SIMC1: variants seen among roughly 807,000 people sequenced by gnomAD.
SIMC1 encodes SUMO-interacting motif-containing protein 1.
Under a neutral mutation model 82.3 loss-of-function variants are expected in SIMC1, and 55 were observed. That is an observed-to-expected ratio of 0.67 (90% CI 0.54 to 0.84). The LOEUF (loss-of-function observed/expected upper bound fraction) is 0.84, where lower values mean the gene tolerates loss of function less well. SIMC1 is among the 40% of genes least tolerant of loss of function. The pLI, the probability that SIMC1 is intolerant of heterozygous loss-of-function variation, is 0.00. For synonymous variants in SIMC1, 353 were observed against 426.3 expected (o/e 0.83, Z 2.12); for missense variants, 915 against 1,107.2 (o/e 0.83, Z 2.46).
rs576081266 is a variant in SIMC1, at chr5:176,291,115, T to C, written c.1431+160T>C. On this transcript the variant is annotated intron_variant, in intron 2 of 9. Transcript: ENST00000429602. The stretch of plus-strand genomic sequence containing the variant: ...GACCCATTCAGTGTAGAGGCCCAGA[T>C]CTGGGTTCAAATTTTAGCCCCACGC... 4.0e-5 allele frequency among the ~76,000 whole-genome samples: 6 copies of C among 150,526 alleles called. No individual in the cohort carries two copies. In the East Asian group the frequency reaches 1.2e-3, roughly 29 times the overall value.
intron 4 of SIMC1, among the ~76,000 whole-genome samples, chr5:176,307,445 G>A (rs1764473313): frequency 6.6e-6 from 1 of 152,182 alleles, no homozygotes; most frequent in Non-Finnish European, 1.5e-5. Context: ...CTGTTGCCCA[G>A]GCTGGAGTGC....
At chr5:176,257,918 A>T (rs1761900208) in intron 1 of SIMC1, among the ~76,000 whole-genome samples, 1 of 152,184 alleles carries the variant, frequency 6.6e-6, no homozygotes, top group Admixed American at 6.5e-5. Context: ...AACTTGTGAC[A>T]ATAAAAAATG....
chr5:176,295,935 C>T (rs1267076093), intron 3 of SIMC1, among the ~76,000 whole-genome samples: 5 of 152,110 alleles, frequency 3.3e-5, no homozygotes, highest in Non-Finnish European at 5.9e-5. Context: ...TAGAACAGCA[C>T]GATTGGCTAA....
chr5:176,282,650 A>G (rs1021586698), intron 1 of SIMC1, among the ~76,000 whole-genome samples: 11 of 152,252 alleles, frequency 7.2e-5, no homozygotes, highest in African/African-American at 2.7e-4. Context: ...GCTCCTCGCC[A>G]GCAACAGAGC....
chr5:176,271,918 ATAT>A (rs1416507229), intron 1 of SIMC1, among the ~76,000 whole-genome samples: 5 of 39,302 alleles, frequency 1.3e-4, no homozygotes, highest in South Asian at 6.9e-4. Context: ...ATATAATTGT[ATAT>A]TATATTATAA....
chr5:176,317,176 A>G (rs967959442), intron 5 of SIMC1, among the ~76,000 whole-genome samples: 2 of 152,222 alleles, frequency 1.3e-5, no homozygotes, highest in African/African-American at 4.8e-5. Context: ...ATGTATGCAT[A>G]TATTTATCTA....
intron 4 of SIMC1, among the ~76,000 whole-genome samples, chr5:176,311,798 C>T (rs368401777): frequency 3.3e-5 from 5 of 152,182 alleles, no homozygotes; most frequent in African/African-American, 9.7e-5. Flanking sequence ...ACTGTAAACA[C>T]TATGTAGTTA....
chr5:176,252,718 C>T (rs1761717009), intron 1 of SIMC1, among the ~76,000 whole-genome samples: 1 of 152,112 alleles, frequency 6.6e-6, no homozygotes. Flanking sequence ...CAGAGACGCT[C>T]CTCACTTCCC....
At chr5:176,339,890 G>A (rs1203513494) in intron 9 of SIMC1, among the ~76,000 whole-genome samples, 1 of 152,166 alleles carries the variant, frequency 6.6e-6, no homozygotes. Flanking sequence ...AATAGTCAGC[G>A]TCCTTGTCAG....
intron 4 of SIMC1, chr5:176,308,208 A>T: frequency 1.3e-6 from 2 of 1,511,970 alleles, no homozygotes; most frequent in Non-Finnish European, 1.8e-6. Flanking sequence ...ACAAGGAGTG[A>T]CTCCAAATTT....
intron 4 of SIMC1, chr5:176,308,793 C>G: frequency 7.9e-7 from 1 of 1,262,092 alleles, no homozygotes; most frequent in Non-Finnish European, 1.2e-6. Context: ...CCAGGAGGAG[C>G]AGGATGCATA....
rs891871385 is a variant in SIMC1 at position 176,268,063 on chromosome 5, A to T, written c.130-21591A>T. 6.7e-5 allele frequency among the ~76,000 whole-genome samples: 10 copies of T among 149,166 alleles called. No homozygotes were observed. In the East Asian group the frequency reaches 2.0e-3, roughly 29 times the overall value. On this transcript the variant is annotated intron_variant, in intron 1 of 9. Transcript: ENST00000429602. ...CCATGCTGTGCCAAGAAGTAATTCA[A>T]TACATTTTCTAAAATTTTCTAAAGT...
chr5:176,273,502 A>G (rs1231304765), intron 1 of SIMC1, among the ~76,000 whole-genome samples: 1 of 151,978 alleles, frequency 6.6e-6, no homozygotes. Context: ...AGAAAAGCTG[A>G]AAAAAAAATT....
intron 4 of SIMC1, among the ~76,000 whole-genome samples, chr5:176,305,493 C>T (rs1764292798): frequency 1.7e-5 from 2 of 117,940 alleles, no homozygotes; most frequent in Non-Finnish European, 3.7e-5. Flanking sequence ...AGTGAGGAGC[C>T]CCTCAGCCCG....
intron 1 of SIMC1, among the ~76,000 whole-genome samples, chr5:176,266,378 A>C: frequency 6.6e-6 from 1 of 152,114 alleles, no homozygotes; most frequent in Non-Finnish European, 1.5e-5. Flanking sequence ...ATGACTGCTC[A>C]GGTGGTTGGC....
At chr5:176,283,355 G>C (rs945723962) in intron 1 of SIMC1, among the ~76,000 whole-genome samples, 17 of 152,334 alleles carry the variant, frequency 1.1e-4, no homozygotes, top group Middle Eastern at 6.8e-3. Context: ...CCAGAAGAGA[G>C]TGGGGGCCAG....
intron 4 of SIMC1, chr5:176,313,145 C>A: frequency 2.3e-6 from 1 of 426,872 alleles, no homozygotes; most frequent in Non-Finnish European, 3.5e-6. Flanking sequence ...TGAGCCAAGC[C>A]AACAGACTTG....
intron 1 of SIMC1, among the ~76,000 whole-genome samples, chr5:176,285,963 C>T (rs1254787741): frequency 6.6e-6 from 1 of 152,202 alleles, no homozygotes; most frequent in Non-Finnish European, 1.5e-5. Flanking sequence ...GAACTACAAA[C>T]CACTGCTCAA....
chr5:176,279,459 G>T (rs946301691), intron 1 of SIMC1, among the ~76,000 whole-genome samples: 1 of 151,810 alleles, frequency 6.6e-6, no homozygotes, highest in Admixed American at 6.6e-5. Context: ...AGGGTTTTTT[G>T]TGTCTCTATT....
Sources: allele counts gnomAD v4.1 joint callset (sites outside exome capture counted in the v4.1 genomes callset), GRCh38; gene constraint gnomAD v4.1.1; transcripts MANE v1.5; gene names NCBI Gene and HGNC (gene_info 2026-07-23, HGNC 2026-07-21).